Variants in ZNF521 observed in about 807,000 individuals in gnomAD.
ZNF521 encodes zinc finger protein 521, also known as LYST-interacting protein 3.
In ZNF521, 14 loss-of-function variants were observed where a neutral mutation model predicts 105.5. The observed-to-expected ratio is 0.13, with a 90% CI of 0.09 to 0.21. ZNF521 has a LOEUF of 0.21. ZNF521 is among the 10% of genes least tolerant of loss of function. The probability of loss-of-function intolerance (pLI) is 1.00; values close to 1 mark genes in which losing one functional copy is unlikely to be tolerated. For synonymous variants in ZNF521, 635 were observed against 606.0 expected (o/e 1.05, Z -0.70); for missense variants, 1,233 against 1,629.7 (o/e 0.76, Z 4.19).
chr18:25,343,481 G>A lies in ZNF521; in HGVS notation c.40+7426C>T, dbSNP rs78356469. Among the ~76,000 whole-genome samples, 1,075 of 152,202 alleles carry A rather than the reference G, an allele frequency of 7.1e-3. 13 individuals are homozygous for A. Among genetic ancestry groups the A allele is most frequent in the African/African-American group, 0.024 (1,004 of 41,524 alleles). ...CAATATGTTGTGATAACTGAGGGACGTAAACTCTTGGGTTTCACATATACA... is the reference window on the plus strand; with the variant it reads ...CAATATGTTGTGATAACTGAGGGACATAAACTCTTGGGTTTCACATATACA... On this transcript the variant is annotated intron_variant, in intron 2 of 7. Transcript: ENST00000361524.
At chr18:25,251,336 T>C (rs141807055) in intron 3 of ZNF521, among the ~76,000 whole-genome samples, 2 of 152,328 alleles carry the variant, frequency 1.3e-5, no homozygotes, top group East Asian at 3.9e-4. Context: ...ACATTCCAGA[T>C]GAATAAACAA....
chr18:25,173,764 G>A (rs2035488062), intron 5 of ZNF521, among the ~76,000 whole-genome samples: 1 of 152,122 alleles, frequency 6.6e-6, no homozygotes, highest in African/African-American at 2.4e-5. Flanking sequence ...TAAGAAAAAA[G>A]GGGTCATGTT....
In ZNF521 at chr18:25,225,106, T is replaced by C. The variant is rs1458825107; in HGVS notation, c.2812A>G (p.Thr938Ala). Residue 938 changes from threonine (T) to alanine (A), a missense_variant, in exon 4 of 8, where the codon ACC (threonine) becomes GCC (alanine). Coordinates refer to ENST00000361524, the MANE Select transcript of ZNF521 (RefSeq NM_015461.3). This position sits in a 1 kb window ranked among gnomAD's most constrained non-coding sequence, Gnocchi z 5.6. ...CGGAGGCCATTTTCGGAGAAGAAGG[T>C]TCGAGAGCACACGTTGCACTTGTAA... ...GNYKCNVCSR[T>A]FFSENGLREH... 1 of 1,613,988 alleles carries C rather than the reference T, an allele frequency of 6.2e-7. No individual in the cohort carries two copies. The highest frequency in any genetic ancestry group is 8.5e-7 in the Non-Finnish European group (1 of 1,180,022).
At chr18:25,179,322 G>C (rs2035591108) in intron 5 of ZNF521, among the ~76,000 whole-genome samples, 1 of 150,646 alleles carries the variant, frequency 6.6e-6, no homozygotes, top group Non-Finnish European at 1.5e-5. Context: ...GCTAATTTTT[G>C]TATTTTTAGT....
intron 5 of ZNF521, among the ~76,000 whole-genome samples, chr18:25,140,805 C>G (rs958320357): frequency 2.0e-5 from 3 of 152,142 alleles, no homozygotes; most frequent in African/African-American, 7.2e-5. Flanking sequence ...ACAAAGTGCA[C>G]ATACAACTGT....
chr18:25,110,055 G>C (rs2034153860), intron 5 of ZNF521, among the ~76,000 whole-genome samples: 3 of 152,178 alleles, frequency 2.0e-5, no homozygotes, highest in Non-Finnish European at 4.4e-5. Flanking sequence ...AACAGAGAAG[G>C]AAGAAAAGGG....
At chr18:25,131,649 G>C (rs140347761) in intron 5 of ZNF521, among the ~76,000 whole-genome samples, 1 of 152,140 alleles carries the variant, frequency 6.6e-6, no homozygotes, top group Non-Finnish European at 1.5e-5. Flanking sequence ...TATATCCCTC[G>C]TATCTAGCCC....
At chr18:25,211,999 A>G (rs921119416) in intron 4 of ZNF521, among the ~76,000 whole-genome samples, 7 of 152,168 alleles carry the variant, frequency 4.6e-5, no homozygotes, top group Non-Finnish European at 8.8e-5. Flanking sequence ...AATTTTATAC[A>G]TGTAATATCC....
At chr18:25,269,561 G>A (rs1040433446) in intron 3 of ZNF521, among the ~76,000 whole-genome samples, 32 of 152,224 alleles carry the variant, frequency 2.1e-4, no homozygotes, top group Non-Finnish European at 3.5e-4. Context: ...CTCAGCAAAT[G>A]CAAAAGAATG....
At chr18:25,196,410 G>C (rs1416397100) in intron 4 of ZNF521, among the ~76,000 whole-genome samples, 1 of 151,412 alleles carries the variant, frequency 6.6e-6, no homozygotes, top group Non-Finnish European at 1.5e-5. Context: ...CTTTAGAACT[G>C]AACAAAACCA....
intron 3 of ZNF521, among the ~76,000 whole-genome samples, chr18:25,272,393 C>A (rs149703571): frequency 2.4e-4 from 37 of 152,024 alleles, no homozygotes; most frequent in African/African-American, 8.4e-4. Flanking sequence ...ACCGATTGAC[C>A]CAGCCATCCC....
At chr18:25,309,069 C>T (rs1398060827) in intron 3 of ZNF521, among the ~76,000 whole-genome samples, 2 of 152,178 alleles carry the variant, frequency 1.3e-5, no homozygotes, top group Admixed American at 1.3e-4. Context: ...TGGTTCTTTG[C>T]TCTTTTGCTA....
intron 3 of ZNF521, among the ~76,000 whole-genome samples, chr18:25,241,579 T>C (rs1907336858): frequency 6.6e-6 from 1 of 152,182 alleles, no homozygotes; most frequent in Non-Finnish European, 1.5e-5. Context: ...TAGGACACCT[T>C]TGAATGTAAA....
chr18:25,107,926 G>A (rs553408373), intron 5 of ZNF521, among the ~76,000 whole-genome samples: 3 of 152,342 alleles, frequency 2.0e-5, no homozygotes, highest in East Asian at 1.9e-4. Flanking sequence ...GAATAGATCC[G>A]CAAGGGTGAA....
intron 5 of ZNF521, among the ~76,000 whole-genome samples, chr18:25,115,261 T>C (rs1483801106): frequency 6.6e-6 from 1 of 152,214 alleles, no homozygotes; most frequent in African/African-American, 2.4e-5. Context: ...CCAGAAGTCA[T>C]CAACTTCTTT....
intron 3 of ZNF521, among the ~76,000 whole-genome samples, chr18:25,228,749 T>C (rs1201749049): frequency 6.6e-6 from 1 of 152,272 alleles, no homozygotes; most frequent in East Asian, 1.9e-4. Context: ...AAAGGAATGT[T>C]ACCTTATATT....
intron 3 of ZNF521, among the ~76,000 whole-genome samples, chr18:25,285,292 G>A (rs1388070092): frequency 6.6e-6 from 1 of 152,038 alleles, no homozygotes; most frequent in Admixed American, 6.5e-5. Flanking sequence ...ACCCCCTAAG[G>A]GTCCCAAGTT....
intron 3 of ZNF521, among the ~76,000 whole-genome samples, chr18:25,230,196 T>C (rs1179402301): frequency 6.6e-6 from 1 of 152,136 alleles, no homozygotes; most frequent in Non-Finnish European, 1.5e-5. Flanking sequence ...CAACACCCCC[T>C]CTAGAAGTCA....
intron 1 of ZNF521, 48 bp downstream of exon 1, chr18:25,351,957 C>A: frequency 3.0e-6 from 1 of 336,690 alleles, no homozygotes; most frequent in Non-Finnish European, 6.1e-6. Flanking sequence ...GAGCCGGGAG[C>A]AGGAGGAGGA....
Sources: gnomAD v4.1 joint callset for allele counts (sites outside exome capture counted in the v4.1 genomes callset) on GRCh38, gnomAD v4.1.1 for gene constraint, Gnocchi (gnomAD v3.1) non-coding constraint, MANE v1.5 for transcripts, NCBI Gene and HGNC (gene_info 2026-07-23, HGNC 2026-07-21) for gene names.